PRDM14: variants seen among roughly 807,000 people sequenced by gnomAD.
The protein encoded by PRDM14 is PR domain zinc finger protein 14.
Under a neutral mutation model 48.0 loss-of-function variants are expected in PRDM14, and 16 were observed. The ratio of observed to expected loss-of-function variants is 0.33; its 90% confidence interval spans 0.23 to 0.51. PRDM14 has a LOEUF of 0.51. Ranked by LOEUF, PRDM14 falls within the 20% of genes least tolerant of loss-of-function variation. The probability of loss-of-function intolerance (pLI) is 0.97; values close to 1 mark genes in which losing one functional copy is unlikely to be tolerated. For missense variants in PRDM14, 566 were observed against 719.6 expected, an observed-to-expected ratio of 0.79 and a Z score of 2.44; for synonymous variants, 264 against 276.6, an observed-to-expected ratio of 0.95 and a Z score of 0.45.
chr8:70,054,386 T>C (rs1043499552), intron 7 of PRDM14, among the ~76,000 whole-genome samples: 1 of 152,288 alleles, frequency 6.6e-6, no homozygotes, highest in Non-Finnish European at 1.5e-5. Flanking sequence ...AAGACTATTC[T>C]CCCCAGTTTA....
intron 6 of PRDM14, 133 bp downstream of exon 6, chr8:70,058,507 T>C (rs1805519010): frequency 1.4e-6 from 1 of 721,246 alleles, no homozygotes; most frequent in South Asian, 1.7e-5. Flanking sequence ...TACTATCCTC[T>C]CCTCCTTCAG....
At chr8:70,052,788 C>T (rs1399462053) in intron 7 of PRDM14, among the ~76,000 whole-genome samples, 1 of 145,098 alleles carries the variant, frequency 6.9e-6, no homozygotes, top group African/African-American at 2.6e-5. Context: ...TTTCTTGAAC[C>T]CAGGAGGCGG....
intron 7 of PRDM14, 37 bp from the exon 8 acceptor site, chr8:70,052,341 C>T: frequency 6.6e-7 from 1 of 1,519,170 alleles, no homozygotes; most frequent in Middle Eastern, 1.9e-4. Context: ...AAGAAAAAGT[C>T]AACTTCCACG....
Position 70,052,185 on chromosome 8 carries a change from G to C in PRDM14, c.1608C>G (p.Val536=). Residue 536 remains valine, a synonymous_variant, in exon 8 of 8, where the codon GTC becomes GTG. Coordinates refer to ENST00000276594, the MANE Select transcript of PRDM14 (RefSeq NM_024504.4). ...FASHAAHDSH[V]RRSHKEDDGC... ...CATCATCCTCCTTGTGTGAACGCCG[G>C]ACATGGCTGTCATGGGCAGCATGGG... 6.2e-7 allele frequency: 1 copy of C among 1,613,896 alleles called. No individual in the cohort carries two copies. The highest frequency in any genetic ancestry group is 8.5e-7 in the Non-Finnish European group (1 of 1,179,946).
intron 1 of PRDM14, among the ~76,000 whole-genome samples, 152 bp from the exon 2 acceptor site, chr8:70,070,036 CAATT>C (rs1376575144): frequency 6.6e-6 from 1 of 152,152 alleles, no homozygotes; most frequent in African/African-American, 2.4e-5. Context: ...CCCGCTCCCA[CAATT>C]AAGACAAAAC....
chr8:70,063,544 G>C (rs1805618512), intron 5 of PRDM14, among the ~76,000 whole-genome samples: 1 of 151,822 alleles, frequency 6.6e-6, no homozygotes, highest in Admixed American at 6.6e-5. Flanking sequence ...TTCTTTTTGA[G>C]ATGGAGTCTC....
intron 5 of PRDM14, among the ~76,000 whole-genome samples, chr8:70,059,461 G>A (rs901015770): frequency 6.6e-6 from 1 of 151,688 alleles, no homozygotes; most frequent in Non-Finnish European, 1.5e-5. Flanking sequence ...TAGTAGAGGT[G>A]GGGTTTCACC....
chr8:70,059,600 A>T (rs1188647416), intron 5 of PRDM14, among the ~76,000 whole-genome samples: 3 of 152,144 alleles, frequency 2.0e-5, no homozygotes, highest in African/African-American at 7.2e-5. Context: ...CCTTTTTATT[A>T]CAGAAAAATG....
chr8:70,053,292 G>T (rs1805419658), intron 7 of PRDM14, among the ~76,000 whole-genome samples: 1 of 151,592 alleles, frequency 6.6e-6, no homozygotes, highest in Non-Finnish European at 1.5e-5. Context: ...ATATCGGCCA[G>T]TGTCTTTGCA....
At chr8:70,069,961 C>G (rs1336861858) in intron 1 of PRDM14, 77 bp from the exon 2 acceptor site, 3 of 821,572 alleles carry the variant, frequency 3.7e-6, no homozygotes, top group Non-Finnish European at 5.6e-6. Context: ...CCACCAGCCT[C>G]CTCCACCCCA....
chr8:70,058,019 C>T (rs1372059737), intron 6 of PRDM14, among the ~76,000 whole-genome samples: 3 of 152,174 alleles, frequency 2.0e-5, no homozygotes, highest in African/African-American at 7.2e-5. Context: ...GCCTCGTCCT[C>T]CTTTTAATTA....
chr8:70,052,986 C>T (rs1047691029), intron 7 of PRDM14, among the ~76,000 whole-genome samples: 1 of 147,984 alleles, frequency 6.8e-6, no homozygotes, highest in Non-Finnish European at 1.5e-5. Context: ...GTGGTCCCAG[C>T]TATTTGGAAA....
chr8:70,057,754 G>A lies in PRDM14; in HGVS notation c.1386+886C>T, dbSNP rs147381650. 1.6e-3 allele frequency among the ~76,000 whole-genome samples: 236 copies of A among 152,232 alleles called. 2 individuals carry two copies. The highest frequency in any genetic ancestry group is 5.0e-3 in the African/African-American group (209 of 41,524). ...CTAATAAGCGAGAAATACCTTCACC[G>A]TCCTGATATTTTTAAATCCTTTTAG... On this transcript the variant is annotated intron_variant, in intron 6 of 7. Coordinates refer to ENST00000276594, the MANE Select transcript of PRDM14 (RefSeq NM_024504.4).
intron 5 of PRDM14, among the ~76,000 whole-genome samples, chr8:70,059,617 T>C (rs986573410): frequency 6.6e-6 from 1 of 152,062 alleles, no homozygotes; most frequent in Admixed American, 6.6e-5. Flanking sequence ...AATGTAAACA[T>C]ACCAAAGTGA....
intron 4 of PRDM14, 135 bp downstream of exon 4, chr8:70,068,095 A>C (rs959526650): frequency 3.0e-5 from 29 of 981,216 alleles, no homozygotes; most frequent in Non-Finnish European, 4.3e-5. Context: ...TTTACAGGCA[A>C]CACAAACCAC....
In PRDM14 at chr8:70,069,516, C is replaced by G. The variant is rs1054871652; in HGVS notation, c.345G>C (p.Leu115=). 2 of 1,601,812 alleles carry G rather than the reference C, an allele frequency of 1.2e-6. No individual in the cohort carries two copies. The highest frequency in any genetic ancestry group is 1.7e-6 in the Non-Finnish European group (2 of 1,173,442). ...CACCCGCGTACTCGTGGCTGCTGCTCAGGAAGGGCGGCACTTCCCTGGGGA... is the reference window on the plus strand; with the variant it reads ...CACCCGCGTACTCGTGGCTGCTGCTGAGGAAGGGCGGCACTTCCCTGGGGA... The part of the protein sequence containing the change: ...PHVPREVPPF[L]SSSHEYAGAS... Residue 115 remains leucine (L), a synonymous_variant, in exon 2 of 8, where the codon CTG becomes CTC. Coordinates refer to ENST00000276594, the MANE Select transcript of PRDM14 (RefSeq NM_024504.4).
rs1440556377 is a variant in PRDM14, at chr8:70,069,658, G to C, written c.203C>G (p.Pro68Arg). Reference protein sequence around the residue: ...AAASAAPAMPPFPFRMAPPLL... With the variant: ...AAASAAPAMPRFPFRMAPPLL... The stretch of plus-strand genomic sequence containing the variant: ...GGGAGGCGCCATCCGGAAGGGGAAG[G>C]GGGGCATGGCGGGGGCAGCAGACGC... The change falls in exon 2 of 8, where the codon CCC becomes CGC. Residue 68 changes from proline to arginine, a missense_variant. Coordinates refer to ENST00000276594, the MANE Select transcript of PRDM14 (RefSeq NM_024504.4). 5.7e-6 allele frequency: 9 copies of C among 1,568,976 alleles called. No homozygotes were observed. The highest frequency in any genetic ancestry group is 7.8e-6 in the Non-Finnish European group (9 of 1,157,066).
intron 7 of PRDM14, among the ~76,000 whole-genome samples, chr8:70,054,012 G>A (rs991043992): frequency 5.3e-5 from 8 of 152,180 alleles, no homozygotes; most frequent in Admixed American, 1.3e-4. Context: ...CCTAGGGAAC[G>A]GAATTTTTCA....
In PRDM14 at chr8:70,069,504, G is replaced by A; in HGVS notation, c.357C>T (p.His119=). ...CTTCACTGCTGGCACCCGCGTACTCGTGGCTGCTGCTCAGGAAGGGCGGCA... is the reference window on the plus strand; with the variant it reads ...CTTCACTGCTGGCACCCGCGTACTCATGGCTGCTGCTCAGGAAGGGCGGCA... ...REVPPFLSSS[H]EYAGASSEDL... Residue 119 remains histidine (H), a synonymous_variant, in exon 2 of 8, where the codon CAC becomes CAT. Coordinates refer to ENST00000276594, the MANE Select transcript of PRDM14 (RefSeq NM_024504.4). 1 of 1,594,150 alleles carries A rather than the reference G, an allele frequency of 6.3e-7. No individual in the cohort carries two copies. Among genetic ancestry groups the A allele is most frequent in the Non-Finnish European group, 8.6e-7 (1 of 1,169,258 alleles).
Sources: allele counts gnomAD v4.1 joint callset (sites outside exome capture counted in the v4.1 genomes callset), GRCh38; gene constraint gnomAD v4.1.1; transcripts MANE v1.5; gene names NCBI Gene and HGNC (gene_info 2026-07-23, HGNC 2026-07-21).